The following HS6ST3 variants were observed in gnomAD, a reference collection of about 807,000 sequenced individuals.
HS6ST3 encodes the protein heparan sulfate 6-O-sulfotransferase 3.
A neutral mutation model predicts 36.7 loss-of-function variants in HS6ST3; 12 were observed. The observed-to-expected ratio is 0.33, with a 90% CI of 0.21 to 0.53. The LOEUF is 0.53. Among genes scored for constraint, HS6ST3 ranks in the 20% least tolerant of loss-of-function variants. The probability of loss-of-function intolerance (pLI) is 0.95; values close to 1 mark genes in which losing one functional copy is unlikely to be tolerated. For synonymous variants in HS6ST3, 240 were observed against 257.5 expected (o/e 0.93, Z 0.65); for missense variants, 584 against 640.9 (o/e 0.91, Z 0.96).
At chr13:96,447,794 G>A (rs902790295) in intron 1 of HS6ST3, among the ~76,000 whole-genome samples, 3 of 152,180 alleles carry the variant, frequency 2.0e-5, no homozygotes, top group African/African-American at 7.2e-5. Flanking sequence ...CCCTGCAGTA[G>A]GAGTTTCCTC....
At chr13:96,129,678 C>T (rs191868813) in intron 1 of HS6ST3, among the ~76,000 whole-genome samples, 1 of 152,264 alleles carries the variant, frequency 6.6e-6, no homozygotes, top group East Asian at 1.9e-4. Flanking sequence ...ATGTTGTCCT[C>T]CTAATCCCCA....
chr13:96,260,084 A>G (rs1465210304), intron 1 of HS6ST3, among the ~76,000 whole-genome samples: 1 of 152,152 alleles, frequency 6.6e-6, no homozygotes, highest in African/African-American at 2.4e-5. Context: ...TGCTACTGTC[A>G]AAAATAATGA....
chr13:96,127,649 C>A (rs939525788), intron 1 of HS6ST3, among the ~76,000 whole-genome samples: 7 of 152,212 alleles, frequency 4.6e-5, no homozygotes, highest in Non-Finnish European at 8.8e-5. Context: ...ATCTCTCTCA[C>A]TATTGCCTTT....
In HS6ST3 at chr13:96,507,167, A is replaced by G. The variant is rs923904790; in HGVS notation, c.708-325323A>G. Among the ~76,000 whole-genome samples, 5 of 152,154 alleles carry G rather than the reference A, an allele frequency of 3.3e-5. No individual in the cohort carries two copies. The East Asian group carries it at 9.6e-4, about 29-fold the overall frequency. Reference sequence around the variant, plus strand: ...CTTCATTTAACTCAAATAACTACAGATATGAAGGACAGCCACACTGCAGCC... The same window carrying G: ...CTTCATTTAACTCAAATAACTACAGGTATGAAGGACAGCCACACTGCAGCC... On this transcript the variant is annotated intron_variant, in intron 1 of 1. Transcript: ENST00000376705.
At chr13:96,342,204 A>G (rs772432872) in intron 1 of HS6ST3, among the ~76,000 whole-genome samples, 5 of 152,188 alleles carry the variant, frequency 3.3e-5, no homozygotes, top group Non-Finnish European at 4.4e-5. Context: ...TGAGGTATCT[A>G]TGGGCAAATC....
chr13:96,760,111 T>G (rs1395922849), intron 1 of HS6ST3, among the ~76,000 whole-genome samples: 15 of 152,180 alleles, frequency 9.9e-5, no homozygotes, highest in African/African-American at 3.6e-4. Flanking sequence ...TTCAGATTAT[T>G]TAGTCTATTG....
Position 96,413,010 on chromosome 13 carries a change from G to A in HS6ST3, c.707+321441G>A, listed in dbSNP as rs184766474. The stretch of plus-strand genomic sequence containing the variant: ...CTTTTTCTCAAATCCCCTTCTTCCT[G>A]TGTTACTTTCTATCTACTCCCAAGA... On this transcript the variant is annotated intron_variant, in intron 1 of 1. Transcript: ENST00000376705. 1.2e-3 allele frequency among the ~76,000 whole-genome samples: 177 copies of A among 152,136 alleles called. 3 individuals are homozygous for A. Among genetic ancestry groups the A allele is most frequent in the Admixed American group, 0.011 (173 of 15,264 alleles).
chr13:96,390,929 T>C lies in HS6ST3; in HGVS notation c.707+299360T>C, dbSNP rs190091924. On this transcript the variant is annotated intron_variant, in intron 1 of 1. Transcript: ENST00000376705. ...CTCCATAGCTTAAAAACTGTCATTG[T>C]TTCCCGTCATTGAGGTGCTAAAGCC... Among the ~76,000 whole-genome samples, 15 of 152,344 alleles carry C rather than the reference T, an allele frequency of 9.8e-5. No individual in the cohort carries two copies. The East Asian group carries it at 2.3e-3, about 24-fold the overall frequency.
In HS6ST3 at chr13:96,151,504, GCA is replaced by G. The variant is rs528562999; in HGVS notation, c.707+59938_707+59939del. Among the ~76,000 whole-genome samples, 8 of 152,128 alleles carry G rather than the reference GCA, an allele frequency of 5.3e-5. No individual in the cohort carries two copies. In the South Asian group the frequency reaches 1.7e-3, roughly 32 times the overall value. ...CACCATGAAGTCTAGATGGATATACGCACAGTGTCAACAGTGGTTATCTTTTG... is the reference window on the plus strand; with the variant it reads ...CACCATGAAGTCTAGATGGATATACGCAGTGTCAACAGTGGTTATCTTTTG... On this transcript the variant is annotated intron_variant, in intron 1 of 1. Coordinates refer to ENST00000376705, the MANE Select transcript of HS6ST3 (RefSeq NM_153456.4).
intron 1 of HS6ST3, among the ~76,000 whole-genome samples, chr13:96,727,360 C>A (rs958590803): frequency 6.6e-6 from 1 of 152,010 alleles, no homozygotes; most frequent in Non-Finnish European, 1.5e-5. Flanking sequence ...TCTTCTGATA[C>A]TCAATATGCA....
intron 1 of HS6ST3, among the ~76,000 whole-genome samples, chr13:96,524,715 T>C (rs1409978797): frequency 6.6e-6 from 1 of 152,192 alleles, no homozygotes; most frequent in Non-Finnish European, 1.5e-5. Context: ...GTGGGGAAAG[T>C]GCAGTATTTG....
intron 1 of HS6ST3, among the ~76,000 whole-genome samples, chr13:96,776,807 T>C (rs572188881): frequency 6.6e-5 from 10 of 152,080 alleles, no homozygotes; most frequent in African/African-American, 2.4e-4. Context: ...TTCCAAACAA[T>C]AGAAACAGAC....
chr13:96,238,182 T>C (rs2054543490), intron 1 of HS6ST3, among the ~76,000 whole-genome samples: 1 of 152,188 alleles, frequency 6.6e-6, no homozygotes, highest in Non-Finnish European at 1.5e-5. Flanking sequence ...CATCCTTGCT[T>C]GTCCCTTTTA....
intron 1 of HS6ST3, among the ~76,000 whole-genome samples, chr13:96,619,394 C>G (rs1482756870): frequency 6.6e-6 from 1 of 152,108 alleles, no homozygotes; most frequent in Non-Finnish European, 1.5e-5. Context: ...TGACTTTTTT[C>G]TGGTTTAATG....
chr13:96,434,947 T>A (rs16953393), intron 1 of HS6ST3, among the ~76,000 whole-genome samples: 3,424 of 152,246 alleles, frequency 0.022, 135 homozygotes, highest in African/African-American at 0.079. Context: ...AATGGAGTTG[T>A]TTGTCTTAAT....
intron 1 of HS6ST3, among the ~76,000 whole-genome samples, chr13:96,646,892 C>T (rs2056590674): frequency 6.6e-6 from 1 of 151,918 alleles, no homozygotes; most frequent in African/African-American, 2.4e-5. Flanking sequence ...TTTCAATGTA[C>T]TGGGAACAGA....
chr13:96,764,553 A>G (rs7334014), intron 1 of HS6ST3, among the ~76,000 whole-genome samples: 23,235 of 152,204 alleles, frequency 0.15, 2,214 homozygotes, highest in African/African-American at 0.26. Flanking sequence ...TCGATTAGAT[A>G]CAGAAGGTAG....
chr13:96,799,180 T>C (rs975144690), intron 1 of HS6ST3, among the ~76,000 whole-genome samples: 4 of 152,232 alleles, frequency 2.6e-5, no homozygotes. Flanking sequence ...CCTGAGGAAT[T>C]GCCACACTGA....
intron 1 of HS6ST3, among the ~76,000 whole-genome samples, chr13:96,145,982 C>A (rs1264976624): frequency 6.6e-6 from 1 of 152,120 alleles, no homozygotes; most frequent in Non-Finnish European, 1.5e-5. Context: ...GGCATTATTT[C>A]TGAGGGCTCT....
Sources: gnomAD v4.1 joint callset for allele counts (sites outside exome capture counted in the v4.1 genomes callset) on GRCh38, gnomAD v4.1.1 for gene constraint, MANE v1.5 for transcripts, NCBI Gene and HGNC (gene_info 2026-07-23, HGNC 2026-07-21) for gene names.